Variants in ITPR1 observed in about 807,000 individuals in gnomAD.
ITPR1 encodes the protein inositol 1,4,5-trisphosphate-gated calcium channel ITPR1.
ITPR1 carries 96 observed loss-of-function variants against 318.4 expected under a neutral mutation model. That is an observed-to-expected ratio of 0.30 (90% CI 0.26 to 0.36). ITPR1 has a LOEUF of 0.36. ITPR1 is among the 10% of genes least tolerant of loss of function. The pLI is 1.00. For missense variants in ITPR1, 2,440 were observed against 3,460.2 expected (o/e 0.71, Z 7.40); for synonymous variants, 1,312 against 1,289.9 (o/e 1.02, Z -0.37).
At chr3:4,693,892 A>C (rs1029482703) in intron 33 of ITPR1, among the ~76,000 whole-genome samples, 151 bp downstream of exon 33, 1 of 152,248 alleles carries the variant, frequency 6.6e-6, no homozygotes, top group Non-Finnish European at 1.5e-5. Flanking sequence ...CAGTTCCCTA[A>C]AACATTTTCT....
chr3:4,595,909 C>T (rs2125074062), intron 4 of ITPR1, among the ~76,000 whole-genome samples: 1 of 152,168 alleles, frequency 6.6e-6, no homozygotes, highest in South Asian at 2.1e-4. Context: ...AGATGAAGAA[C>T]TATGGTGACT....
intron 4 of ITPR1, among the ~76,000 whole-genome samples, chr3:4,586,102 T>C (rs1050758898): frequency 2.6e-5 from 4 of 152,226 alleles, no homozygotes; most frequent in Non-Finnish European, 5.9e-5. Flanking sequence ...CATGAACTCA[T>C]CTTTTTATGG....
intron 4 of ITPR1, among the ~76,000 whole-genome samples, chr3:4,609,715 C>T (rs573310073): frequency 5.3e-5 from 8 of 150,390 alleles, no homozygotes; most frequent in South Asian, 4.2e-4. Flanking sequence ...CACATGTGGT[C>T]GGGGCTGGTT....
At chr3:4,571,296 G>A (rs1364452083) in intron 4 of ITPR1, among the ~76,000 whole-genome samples, 1 of 152,028 alleles carries the variant, frequency 6.6e-6, no homozygotes. Flanking sequence ...TTGATAACAC[G>A]TAATTTCACT....
intron 4 of ITPR1, among the ~76,000 whole-genome samples, chr3:4,613,198 C>T (rs1225953676): frequency 6.6e-6 from 1 of 152,174 alleles, no homozygotes; most frequent in Non-Finnish European, 1.5e-5. Flanking sequence ...AGATAAGAGA[C>T]AAAAGGTTGC....
rs1179208822 is a variant in ITPR1 at position 4,710,950 on chromosome 3, GC to G, written c.4991+479del. Among the ~76,000 whole-genome samples the G allele has an allele frequency of 1.3e-5, 2 of 152,186 alleles. No individual in the cohort carries two copies. Among genetic ancestry groups the G allele is most frequent in the African/African-American group, 4.8e-5 (2 of 41,442 alleles). On this transcript the variant is annotated intron_variant, in intron 38 of 61. Coordinates refer to ENST00000649015, the MANE Select transcript of ITPR1 (RefSeq NM_001378452.1). The surrounding 1 kb of genome is among the most constrained non-coding windows in gnomAD (Gnocchi z 4.2). ...CCCAAGGCCGGACACGGTGGCTCAT[GC>G]CTGTAATCCCAGCACTTTGGGAGGC... is the stretch of plus-strand genomic sequence containing the variant.
intron 22 of ITPR1, 113 bp from the exon 23 acceptor site, chr3:4,674,955 C>G: frequency 5.1e-6 from 3 of 589,850 alleles, no homozygotes; most frequent in Non-Finnish European, 8.8e-6. Context: ...CATGCCTTCT[C>G]TTACCATAAG....
At chr3:4,686,340 G>T (rs2094394037) in intron 30 of ITPR1, among the ~76,000 whole-genome samples, 1 of 152,210 alleles carries the variant, frequency 6.6e-6, no homozygotes. Flanking sequence ...TATAAATAAA[G>T]TCCAAGCTTA....
intron 2 of ITPR1, among the ~76,000 whole-genome samples, chr3:4,500,798 ACT>A (rs2080962017): frequency 6.6e-6 from 1 of 152,058 alleles, no homozygotes; most frequent in African/African-American, 2.4e-5. Context: ...TGTTTTTCAA[ACT>A]CTGTGGAAAC....
Position 4,533,757 on chromosome 3 carries a change from G to A in ITPR1, c.163+12663G>A, listed in dbSNP as rs114545312. 9.4e-3 allele frequency among the ~76,000 whole-genome samples: 1,432 copies of A among 152,244 alleles called. 19 individuals are homozygous for A. The highest frequency in any genetic ancestry group is 0.033 in the African/African-American group (1,379 of 41,524). On this transcript the variant is annotated intron_variant, in intron 4 of 61. Coordinates refer to ENST00000649015, the MANE Select transcript of ITPR1 (RefSeq NM_001378452.1). ...GGTAACCAGCTATGACAGAGCTTGG[G>A]GCTATTAGAAAAGAAGCCATCAGGG... is the stretch of plus-strand genomic sequence containing the variant.
In ITPR1 at chr3:4,680,667, C is replaced by G; in HGVS notation, c.3082C>G (p.Gln1028Glu). 1.2e-6 allele frequency: 2 copies of G among 1,612,788 alleles called. No individual in the cohort carries two copies. The highest frequency in any genetic ancestry group is 2.2e-5 in the South Asian group (2 of 90,966). Reference protein sequence around the residue: ...TSETSSGNSSQEGPSNVPGAL... With the variant: ...TSETSSGNSSEEGPSNVPGAL... ...AGAAACATCCTCCGGAAACAGCAGC[C>G]AAGAAGGGCCAAGTAATGTACCAGG... Residue 1028 changes from glutamine to glutamate, a missense_variant, in exon 25 of 62, where the codon CAA becomes GAA. Transcript: ENST00000649015.
At chr3:4,568,329 A>C (rs1345265478) in intron 4 of ITPR1, among the ~76,000 whole-genome samples, 1 of 152,158 alleles carries the variant, frequency 6.6e-6, no homozygotes, top group Non-Finnish European at 1.5e-5. Flanking sequence ...TTCTATTTTA[A>C]CTTCTCTTTT....
In ITPR1 at chr3:4,574,463, A is replaced by G. The variant is rs562064357; in HGVS notation, c.164-53300A>G. 3.3e-5 allele frequency among the ~76,000 whole-genome samples: 5 copies of G among 152,348 alleles called. No individual in the cohort carries two copies. The South Asian group carries it at 1.0e-3, about 32-fold the overall frequency. ...CGGTTGACAAGTCTGTGAATTATATAATAGAATCTCCTCTTACTCTCCTTG... is the reference window on the plus strand; with the variant it reads ...CGGTTGACAAGTCTGTGAATTATATGATAGAATCTCCTCTTACTCTCCTTG... On this transcript the variant is annotated intron_variant, in intron 4 of 61. Transcript: ENST00000649015.
Position 4,836,821 on chromosome 3 carries a change from C to A in ITPR1, c.8076C>A (p.Val2692=). The part of the protein sequence containing the change: ...WFPRMRAMSL[V]SSDSEGEQNE... ...CCAGGATGAGAGCCATGTCATTGGT[C>A]AGCAGTGATTCTGAAGGAGAACAGA... The change falls in exon 61 of 62, where the codon GTC becomes GTA. Residue 2692 remains valine, a synonymous_variant. Transcript: ENST00000649015. 6.5e-7 allele frequency: 1 copy of A among 1,542,982 alleles called. No individual in the cohort carries two copies. Among genetic ancestry groups the A allele is most frequent in the South Asian group, 1.2e-5 (1 of 81,100 alleles).
intron 4 of ITPR1, among the ~76,000 whole-genome samples, chr3:4,584,877 A>G (rs1352115255): frequency 6.6e-6 from 1 of 152,238 alleles, no homozygotes; most frequent in South Asian, 2.1e-4. Flanking sequence ...AAGAGACAAA[A>G]TGAAGCAAAT....
At chr3:4,834,670 T>A (rs575352905) in intron 60 of ITPR1, among the ~76,000 whole-genome samples, 2 of 152,190 alleles carry the variant, frequency 1.3e-5, no homozygotes, top group Non-Finnish European at 2.9e-5. Context: ...GATGTGGCTG[T>A]GTCTGAAGGA....
chr3:4,545,899 G>T lies in ITPR1; in HGVS notation c.163+24805G>T, dbSNP rs541894240. Among the ~76,000 whole-genome samples, 93 of 151,954 alleles carry T rather than the reference G, an allele frequency of 6.1e-4. 1 individual carries two copies. Among genetic ancestry groups the T allele is most frequent in the Non-Finnish European group, 1.1e-3 (72 of 67,952 alleles). The stretch of plus-strand genomic sequence containing the variant: ...TTTTGTAGAGACGGGATCTCACTAT[G>T]TTACCAAGGGTGGTTTTGAACTCCT... On this transcript the variant is annotated intron_variant, in intron 4 of 61. Transcript: ENST00000649015.
At chr3:4,810,804 T>C (rs2048891700) in intron 55 of ITPR1, among the ~76,000 whole-genome samples, 1 of 152,178 alleles carries the variant, frequency 6.6e-6, no homozygotes, top group South Asian at 2.1e-4. Context: ...TACATCTAAG[T>C]CCAGAGTTCT....
intron 4 of ITPR1, among the ~76,000 whole-genome samples, chr3:4,535,313 C>G (rs2083754983): frequency 6.6e-6 from 1 of 151,954 alleles, no homozygotes; most frequent in Non-Finnish European, 1.5e-5. Context: ...CAGTTGTCCC[C>G]TACAGGGTAC....
Sources: gnomAD v4.1 joint callset for allele counts (sites outside exome capture counted in the v4.1 genomes callset) on GRCh38, gnomAD v4.1.1 for gene constraint, Gnocchi (gnomAD v3.1) non-coding constraint, MANE v1.5 for transcripts, NCBI Gene and HGNC (gene_info 2026-07-23, HGNC 2026-07-21) for gene names.